Variants in KLRG1 observed in about 807,000 individuals in gnomAD.
The protein encoded by KLRG1 is killer cell lectin like receptor G1, also known as killer cell lectin-like receptor subfamily G member 1.
Under a neutral mutation model 21.8 loss-of-function variants are expected in KLRG1, and 16 were observed. The ratio of observed to expected loss-of-function variants is 0.73; its 90% confidence interval spans 0.50 to 1.11. The LOEUF (loss-of-function observed/expected upper bound fraction) is 1.11, where lower values mean the gene tolerates loss of function less well. Ranked by LOEUF, KLRG1 falls within the 50% of genes most tolerant of loss-of-function variation. The pLI is 0.00. For missense variants in KLRG1, 173 were observed against 218.3 expected (o/e 0.79, Z 1.31); for synonymous variants, 69 against 75.9 (o/e 0.91, Z 0.47).
At chr12:9,206,894 C>G in the KLRG1 span, among the ~76,000 whole-genome samples, 7 of 152,148 alleles carry the variant, frequency 4.6e-5, no homozygotes, top group Admixed American at 1.3e-4. Context: ...ACACGCTACT[C>G]GCTTTATCCA....
At chr12:9,168,640 G>T in the KLRG1 span, 1 of 433,448 alleles carries the variant, frequency 2.3e-6, no homozygotes, top group Non-Finnish European at 4.1e-6. Context: ...TCAGAATCTT[G>T]TATTTTATCT....
At chr12:9,159,889 G>A in the KLRG1 span, 5 of 1,466,188 alleles carry the variant, frequency 3.4e-6, no homozygotes, top group South Asian at 5.7e-5. Context: ...TAATCTATGT[G>A]CACGTTCTGA....
intron 1 of KLRG1, among the ~76,000 whole-genome samples, chr12:8,968,356 C>T (rs1359728824): frequency 6.6e-6 from 1 of 152,080 alleles, no homozygotes; most frequent in African/African-American, 2.4e-5. Context: ...CTAAGCCTTG[C>T]TCTAAAATAG....
intron 1 of KLRG1, among the ~76,000 whole-genome samples, chr12:8,976,495 C>A (rs35870866): frequency 0.38 from 57,313 of 151,898 alleles, 11,477 homozygotes; most frequent in South Asian, 0.44. Flanking sequence ...CATGTTGTTC[C>A]AATCAGCTGC....
At chr12:9,112,834 T>A in the KLRG1 span, 1 of 374,294 alleles carries the variant, frequency 2.7e-6, no homozygotes, top group Middle Eastern at 7.6e-4. Context: ...AGGCTGATAT[T>A]ACATGCTAAA....
the KLRG1 span, chr12:9,089,123 G>T: frequency 2.6e-6 from 3 of 1,141,318 alleles, no homozygotes; most frequent in South Asian, 1.4e-5. Flanking sequence ...AGAAAGTGTA[G>T]GAATAATATA....
the KLRG1 span, among the ~76,000 whole-genome samples, chr12:9,180,341 AG>A: frequency 3.9e-5 from 6 of 152,284 alleles, no homozygotes; most frequent in African/African-American, 1.4e-4. Context: ...CGCATCGCCA[AG>A]GCAATCCTAA....
Position 9,009,937 on chromosome 12 carries a change from A to G in KLRG1, c.*400A>G. The G allele has an allele frequency of 6.6e-7, 1 of 1,523,996 alleles. No individual in the cohort carries two copies. Among genetic ancestry groups the G allele is most frequent in the South Asian group, 1.2e-5 (1 of 83,630 alleles). 94.4% of individuals were successfully genotyped at this position (1,523,996 alleles called of 1,614,324 possible). A position where few individuals can be genotyped will look rare whatever the true frequency, so the allele number is the denominator to read the frequency against. On this transcript the variant is annotated 3_prime_UTR_variant, in exon 5 of 5. Coordinates refer to ENST00000356986, the MANE Select transcript of KLRG1 (RefSeq NM_005810.4). ...ACTATTGCTTGTGTACTAGAGAAGT[A>G]CATTATTGCTGTACTCCTCTGTACA...
chr12:8,985,241 T>C (rs1227707297), upstream of KLRG1, among the ~76,000 whole-genome samples: 1 of 141,916 alleles, frequency 7.0e-6, no homozygotes, highest in Non-Finnish European at 1.6e-5. Flanking sequence ...TACCACTCAA[T>C]TTAGAATTAT....
the KLRG1 span, among the ~76,000 whole-genome samples, chr12:9,138,153 C>T: frequency 6.6e-6 from 1 of 151,852 alleles, no homozygotes; most frequent in Non-Finnish European, 1.5e-5. Flanking sequence ...TATCTATGGG[C>T]CTTTCATATA....
chr12:9,111,922 G>A, the KLRG1 span: 50 of 645,712 alleles, frequency 7.7e-5, no homozygotes, highest in African/African-American at 6.9e-4. Flanking sequence ...AGAACCATCC[G>A]AAAAGTAAAT....
the KLRG1 span, chr12:9,160,270 G>T: frequency 6.5e-7 from 1 of 1,536,802 alleles, no homozygotes; most frequent in Non-Finnish European, 8.8e-7. Context: ...ATTGGGAAAA[G>T]TTTCATTAGA....
chr12:9,110,259 A>T, the KLRG1 span: 3 of 1,355,584 alleles, frequency 2.2e-6, no homozygotes, highest in Non-Finnish European at 3.0e-6. Flanking sequence ...AAATAAGAAC[A>T]TTTTCCCTAT....
At chr12:9,179,265 C>A in the KLRG1 span, among the ~76,000 whole-genome samples, 1 of 152,122 alleles carries the variant, frequency 6.6e-6, no homozygotes, top group East Asian at 1.9e-4. Context: ...CAATTATTAA[C>A]CAATGTTCAC....
chr12:9,079,420 T>C, the KLRG1 span: 4 of 1,343,514 alleles, frequency 3.0e-6, no homozygotes, highest in East Asian at 4.6e-5. Context: ...GCTTCTCTTG[T>C]GACATTTCTT....
the KLRG1 span, chr12:9,159,802 A>G: frequency 1.8e-5 from 14 of 769,278 alleles, no homozygotes; most frequent in African/African-American, 3.6e-5. Context: ...TAGCTATAAG[A>G]AATAAATTTC....
At chr12:8,980,601 G>A (rs1011601866) in intron 1 of KLRG1, among the ~76,000 whole-genome samples, 1 of 152,194 alleles carries the variant, frequency 6.6e-6, no homozygotes, top group Non-Finnish European at 1.5e-5. Context: ...GCACATATGG[G>A]CACTAGTTCT....
chr12:8,958,576 G>A lies in KLRG1; in HGVS notation c.-156+8340G>A, dbSNP rs749290524. 3.9e-5 allele frequency among the ~76,000 whole-genome samples: 6 copies of A among 152,260 alleles called. No individual in the cohort carries two copies. In the South Asian group the frequency reaches 8.3e-4, roughly 21 times the overall value. ...ATTTCTGTTAAAAAATCCTGCTGGG[G>A]CAAGGCATAGTGGCTCACGTGTGTA... On this transcript the variant is annotated intron_variant, in intron 1 of 4. Transcript: ENST00000539240.
At chr12:8,953,049 C>T (rs1490234754) in intron 1 of KLRG1, among the ~76,000 whole-genome samples, 4 of 848 alleles carry the variant, frequency 4.7e-3, no homozygotes, top group Admixed American at 0.017. Context: ...CTAGTGACAC[C>T]CCCCCCCCGC....
Sources: gnomAD v4.1 joint callset for allele counts (sites outside exome capture counted in the v4.1 genomes callset) on GRCh38, gnomAD v4.1.1 for gene constraint, MANE v1.5 for transcripts, NCBI Gene and HGNC (gene_info 2026-07-23, HGNC 2026-07-21) for gene names.